The following RBPMS variants were observed in gnomAD, a reference collection of about 807,000 sequenced individuals.
RBPMS encodes RNA binding protein, mRNA processing factor.
Under a neutral mutation model 26.8 loss-of-function variants are expected in RBPMS, and 7 were observed. The observed-to-expected ratio is 0.26, with a 90% CI of 0.15 to 0.49. The LOEUF is 0.49. Ranked by LOEUF, RBPMS falls within the 20% of genes least tolerant of loss-of-function variation. The pLI is 0.98. For synonymous variants in RBPMS, 96 were observed against 93.3 expected, an observed-to-expected ratio of 1.03 and a Z score of -0.17; for missense variants, 186 against 250.0, an observed-to-expected ratio of 0.74 and a Z score of 1.73.
intron 1 of RBPMS, among the ~76,000 whole-genome samples, chr8:30,460,911 C>T (rs1214737442): frequency 6.6e-6 from 1 of 152,024 alleles, no homozygotes; most frequent in Admixed American, 6.5e-5. Context: ...ATTAGCCAGG[C>T]ATGGTGGCAT....
intron 5 of RBPMS, among the ~76,000 whole-genome samples, chr8:30,512,093 T>G (rs966779004): frequency 3.9e-5 from 6 of 152,264 alleles, no homozygotes; most frequent in African/African-American, 1.4e-4. Context: ...TTTTTGAAGA[T>G]TGGGCCTTGC....
Position 30,544,577 on chromosome 8 carries a change from G to A in RBPMS, c.481G>A (p.Ala161Thr). The A allele has an allele frequency of 6.2e-7, 1 of 1,614,136 alleles. No individual in the cohort carries two copies. Among genetic ancestry groups the A allele is most frequent in the Non-Finnish European group, 8.5e-7 (1 of 1,180,006 alleles). ...YPLYPAELAP[A>T]LPPPAFTYPA... ...TCTGTACCCAGCGGAGTTAGCGCCTGCTCTACCTCCTCCTGCTTTCACCTA... is the reference window on the plus strand; with the variant it reads ...TCTGTACCCAGCGGAGTTAGCGCCTACTCTACCTCCTCCTGCTTTCACCTA... Residue 161 changes from alanine (A) to threonine (T), a missense_variant, in exon 6 of 9, where the codon GCT becomes ACT. By Grantham distance (58) the Ala-to-Thr change is moderately conservative. Around this residue, in one of 3 missense-constraint regions of RBPMS, gnomAD observed 98 missense variants for 113.6 expected, o/e 0.86. Transcript: ENST00000397323.
chr8:30,536,898 T>A (rs1824861297), intron 5 of RBPMS, among the ~76,000 whole-genome samples: 1 of 152,066 alleles, frequency 6.6e-6, no homozygotes, highest in Admixed American at 6.5e-5. Flanking sequence ...TGTAAAACCA[T>A]TACGTTTTGA....
intron 1 of RBPMS, among the ~76,000 whole-genome samples, chr8:30,386,514 T>G (rs940062356): frequency 1.3e-5 from 2 of 152,226 alleles, no homozygotes; most frequent in Non-Finnish European, 2.9e-5. Context: ...TAAAAGACTA[T>G]TTGAAGAGTT....
chr8:30,459,533 C>T (rs1219671640), intron 1 of RBPMS, among the ~76,000 whole-genome samples: 1 of 152,136 alleles, frequency 6.6e-6, no homozygotes, highest in Non-Finnish European at 1.5e-5. Context: ...AGAAGTAGGT[C>T]TTCCCACCTG....
intron 5 of RBPMS, among the ~76,000 whole-genome samples, chr8:30,528,893 A>G (rs775192667): frequency 6.6e-6 from 1 of 150,828 alleles, no homozygotes; most frequent in African/African-American, 2.4e-5. Context: ...ACAACTCAGT[A>G]TTTTTTTTTG....
chr8:30,547,521 T>G (rs1825970443), intron 6 of RBPMS: 1 of 1,497,748 alleles, frequency 6.7e-7, no homozygotes, highest in Non-Finnish European at 8.9e-7. Flanking sequence ...AAAAATGAAC[T>G]CAAGTAGACT....
chr8:30,391,752 T>C (rs1468076253), intron 1 of RBPMS, among the ~76,000 whole-genome samples: 5 of 152,146 alleles, frequency 3.3e-5, no homozygotes, highest in Non-Finnish European at 7.4e-5. Flanking sequence ...CTTGATATTA[T>C]CTGAAACATG....
chr8:30,472,455 T>A (rs1243989150), intron 1 of RBPMS, among the ~76,000 whole-genome samples: 1 of 152,136 alleles, frequency 6.6e-6, no homozygotes, highest in East Asian at 1.9e-4. Context: ...AATAAACTTT[T>A]GGTGGTGATA....
chr8:30,559,958 A>T (rs920091462), intron 7 of RBPMS, among the ~76,000 whole-genome samples: 1 of 152,190 alleles, frequency 6.6e-6, no homozygotes, highest in Non-Finnish European at 1.5e-5. Flanking sequence ...TTGTTAGATC[A>T]TTTGAAGCCA....
At chr8:30,427,380 G>C (rs1297630793) in intron 1 of RBPMS, among the ~76,000 whole-genome samples, 1 of 152,182 alleles carries the variant, frequency 6.6e-6, no homozygotes, top group Non-Finnish European at 1.5e-5. Flanking sequence ...TCCCCTCCCT[G>C]TCTCTCCCTA....
intron 2 of RBPMS, among the ~76,000 whole-genome samples, chr8:30,475,554 C>T (rs1467507809): frequency 6.6e-6 from 1 of 152,164 alleles, no homozygotes; most frequent in Non-Finnish European, 1.5e-5. Context: ...GATGTGTTAG[C>T]AGCAGTGCCT....
chr8:30,494,017 T>C lies in RBPMS; in HGVS notation c.247-10269T>C, dbSNP rs1292735464. ...GGCTGGGGTGGATGGTCAAGTCAGA[T>C]GGAGATTCCAGATACCTTCGAAGTA... On this transcript the variant is annotated intron_variant, in intron 4 of 8. Transcript: ENST00000397323. Among the ~76,000 whole-genome samples the C allele has an allele frequency of 2.0e-5, 3 of 152,320 alleles. No homozygotes were observed. The East Asian group carries it at 5.8e-4, about 29-fold the overall frequency.
intron 4 of RBPMS, among the ~76,000 whole-genome samples, chr8:30,500,809 C>T (rs1190070658): frequency 2.6e-5 from 4 of 152,104 alleles, no homozygotes; most frequent in Non-Finnish European, 5.9e-5. Context: ...CAGACATTGG[C>T]CCCTGAGTAC....
intron 5 of RBPMS, among the ~76,000 whole-genome samples, chr8:30,518,526 A>G (rs143348266): frequency 8.4e-4 from 127 of 151,556 alleles, no homozygotes; most frequent in African/African-American, 2.9e-3. Flanking sequence ...CCTGGGTTCA[A>G]GTGCTTCTAA....
chr8:30,519,039 T>C lies in RBPMS; in HGVS notation c.397+14603T>C, dbSNP rs950420307. The stretch of plus-strand genomic sequence containing the variant: ...GGCATGTTTGCAAAAGAAACACTGC[T>C]AATGAACGTTTCCCTGTTAAATCAC... On this transcript the variant is annotated intron_variant, in intron 5 of 8. Transcript: ENST00000397323. Among the ~76,000 whole-genome samples the C allele has an allele frequency of 3.9e-5, 6 of 152,324 alleles. No individual in the cohort carries two copies. In the East Asian group the frequency reaches 1.2e-3, roughly 29 times the overall value.
At chr8:30,460,036 C>T (rs1006333179) in intron 1 of RBPMS, among the ~76,000 whole-genome samples, 21 of 152,136 alleles carry the variant, frequency 1.4e-4, no homozygotes, top group Non-Finnish European at 1.5e-5. Context: ...TGACTTGATT[C>T]ATGCAACCAC....
intron 2 of RBPMS, among the ~76,000 whole-genome samples, chr8:30,477,278 A>T (rs567475117): frequency 1.9e-4 from 29 of 152,118 alleles, no homozygotes; most frequent in Non-Finnish European, 2.6e-4. Flanking sequence ...CTCGATCTCC[A>T]GACCTCATGA....
chr8:30,443,983 A>G (rs2979476), intron 1 of RBPMS, among the ~76,000 whole-genome samples: 51,312 of 147,798 alleles, frequency 0.35, 9,331 homozygotes, highest in African/African-American at 0.48. Flanking sequence ...TGCAATCTCC[A>G]CCTCCCAGGT....
Sources: gnomAD v4.1 joint callset for allele counts (sites outside exome capture counted in the v4.1 genomes callset) on GRCh38, gnomAD v4.1.1 for gene constraint, gnomAD v4.1.1 regional missense constraint, MANE v1.5 for transcripts, NCBI Gene and HGNC (gene_info 2026-07-23, HGNC 2026-07-21) for gene names.